The following RSU1 variants were observed in gnomAD, a reference collection of about 807,000 sequenced individuals.
The protein encoded by RSU1 is rsu-1.
In RSU1, 26 loss-of-function variants were observed where a neutral mutation model predicts 31.1. The observed-to-expected ratio is 0.84, with a 90% CI of 0.61 to 1.16. The LOEUF (loss-of-function observed/expected upper bound fraction) is 1.16. Among genes scored for constraint, RSU1 ranks in the 50% most tolerant of loss-of-function variants. The pLI, the probability that RSU1 is intolerant of heterozygous loss-of-function variation, is 0.00. For missense variants in RSU1, 320 were observed against 339.1 expected, an observed-to-expected ratio of 0.94 and a Z score of 0.44; for synonymous variants, 164 against 136.3, an observed-to-expected ratio of 1.20 and a Z score of -1.41.
intron 2 of RSU1, among the ~76,000 whole-genome samples, chr10:16,796,224 CAT>C (rs758978519): frequency 6.6e-6 from 1 of 152,182 alleles, no homozygotes; most frequent in Non-Finnish European, 1.5e-5. Flanking sequence ...TCTCTCCCCA[CAT>C]GTCATCCCTT....
At chr10:16,771,914 G>A (rs1284206602) in intron 3 of RSU1, among the ~76,000 whole-genome samples, 1 of 152,182 alleles carries the variant, frequency 6.6e-6, no homozygotes, top group Non-Finnish European at 1.5e-5. Flanking sequence ...AAGCATCTAC[G>A]CCAAGAAAGG....
chr10:16,748,563 T>G (rs1287410769), intron 7 of RSU1, among the ~76,000 whole-genome samples: 2 of 152,148 alleles, frequency 1.3e-5, no homozygotes, highest in African/African-American at 4.8e-5. Context: ...TCTATAGGAG[T>G]GCCCATTTCA....
intron 8 of RSU1, among the ~76,000 whole-genome samples, chr10:16,620,642 A>G (rs1260464058): frequency 6.6e-6 from 1 of 151,938 alleles, no homozygotes; most frequent in Admixed American, 6.6e-5. Flanking sequence ...TCAGGAGATC[A>G]AGACCATCAT....
At chr10:16,646,644 A>T (rs79856389) in intron 8 of RSU1, among the ~76,000 whole-genome samples, 1 of 152,204 alleles carries the variant, frequency 6.6e-6, no homozygotes, top group African/African-American at 2.4e-5. Flanking sequence ...AGCTCCTTCC[A>T]GCTCCAGGGG....
At chr10:16,612,258 T>A (rs1833903805) in intron 8 of RSU1, among the ~76,000 whole-genome samples, 1 of 152,338 alleles carries the variant, frequency 6.6e-6, no homozygotes, top group Admixed American at 6.5e-5. Context: ...TGTTGCAATA[T>A]GTATGCTTGA....
intron 8 of RSU1, among the ~76,000 whole-genome samples, chr10:16,648,327 A>C (rs6602140): frequency 0.35 from 53,311 of 151,842 alleles, 10,904 homozygotes; most frequent in African/African-American, 0.56. Context: ...CTCACAAAGA[A>C]TGATCATTTT....
chr10:16,776,915 A>AT (rs947343776), intron 3 of RSU1, among the ~76,000 whole-genome samples: 16 of 149,466 alleles, frequency 1.1e-4, no homozygotes, highest in African/African-American at 1.7e-4. Flanking sequence ...TCATATTTTT[A>AT]TTTTTTTTTA....
intron 8 of RSU1, among the ~76,000 whole-genome samples, chr10:16,604,735 C>T (rs1833772366): frequency 6.6e-6 from 1 of 152,134 alleles, no homozygotes. Context: ...ACTCCGGGGT[C>T]TGGCTGTGCT....
At chr10:16,691,722 CTTTTTTTTTTTTTTTT>C (rs58786188) in intron 8 of RSU1, among the ~76,000 whole-genome samples, 8 of 106,044 alleles carry the variant, frequency 7.5e-5, no homozygotes, top group African/African-American at 2.6e-4. Context: ...GCTGCTGCTT[CTTTTTTTTTTTTTTTT>C]TTTTTTTTTT....
At chr10:16,683,160 G>GGT (rs4012467) in intron 8 of RSU1, among the ~76,000 whole-genome samples, 8,941 of 143,418 alleles carry the variant, frequency 0.062, 435 homozygotes, top group Admixed American at 0.13. Context: ...ATGGGTGTGT[G>GGT]GTGTGTGTGT....
intron 8 of RSU1, among the ~76,000 whole-genome samples, chr10:16,614,868 C>T (rs1383649400): frequency 6.6e-6 from 1 of 152,072 alleles, no homozygotes; most frequent in Non-Finnish European, 1.5e-5. Flanking sequence ...CCCTGCCTTA[C>T]AAGAGCTCCT....
chr10:16,612,440 G>T (rs893715099), intron 8 of RSU1, among the ~76,000 whole-genome samples: 21 of 152,088 alleles, frequency 1.4e-4, no homozygotes, highest in Non-Finnish European at 3.1e-4. Context: ...AACTCTTTTT[G>T]CTCTGTCCAT....
At chr10:16,650,134 A>G (rs1164757492) in intron 8 of RSU1, among the ~76,000 whole-genome samples, 1 of 152,212 alleles carries the variant, frequency 6.6e-6, no homozygotes, top group Non-Finnish European at 1.5e-5. Flanking sequence ...CGCTAACAGA[A>G]AGCTAAATTA....
chr10:16,742,386 A>T (rs1450803157), intron 7 of RSU1, among the ~76,000 whole-genome samples: 2 of 151,658 alleles, frequency 1.3e-5, no homozygotes, highest in Non-Finnish European at 2.9e-5. Flanking sequence ...CACCCACTTC[A>T]CTCCTTTCAA....
chr10:16,608,132 G>A (rs1278760369), intron 8 of RSU1, among the ~76,000 whole-genome samples: 1 of 152,216 alleles, frequency 6.6e-6, no homozygotes, highest in African/African-American at 2.4e-5. Flanking sequence ...CACCCGGCCA[G>A]TATCATGAGA....
In RSU1 at chr10:16,593,435, T is replaced by C; in HGVS notation, c.793A>G (p.Lys265Glu). ...EPPKKNNDKS[K>E]KISRKPLAAK... ...GCCAGGGGTTTCCGGCTGATCTTTTTCGATTTGTCATTATTCTTCTTCGGT... is the reference window on the plus strand; with the variant it reads ...GCCAGGGGTTTCCGGCTGATCTTTTCCGATTTGTCATTATTCTTCTTCGGT... The change falls in exon 9 of 9, where the codon AAA becomes GAA. Residue 265 changes from lysine (K) to glutamate (E), a missense_variant. Transcript: ENST00000345264. The C allele has an allele frequency of 6.2e-7, 1 of 1,614,148 alleles. No individual in the cohort carries two copies. The highest frequency in any genetic ancestry group is 8.5e-7 in the Non-Finnish European group (1 of 1,180,012).
At chr10:16,610,829 C>G (rs1833880508) in intron 8 of RSU1, among the ~76,000 whole-genome samples, 1 of 152,092 alleles carries the variant, frequency 6.6e-6, no homozygotes, top group South Asian at 2.1e-4. Context: ...TGCCTGGTGC[C>G]AAAAAGGCTG....
intron 4 of RSU1, among the ~76,000 whole-genome samples, chr10:16,759,710 T>C (rs1300814784): frequency 1.3e-5 from 2 of 152,220 alleles, no homozygotes; most frequent in Admixed American, 6.5e-5. Context: ...TCAACCTATG[T>C]GGCTTCACAC....
intron 7 of RSU1, among the ~76,000 whole-genome samples, chr10:16,699,325 C>G (rs1004745817): frequency 2.6e-5 from 4 of 152,164 alleles, no homozygotes; most frequent in African/African-American, 9.7e-5. Flanking sequence ...TCTCTTGCCT[C>G]ACTCTGCACC....
Sources: allele counts gnomAD v4.1 joint callset (sites outside exome capture counted in the v4.1 genomes callset), GRCh38; gene constraint gnomAD v4.1.1; transcripts MANE v1.5; gene names NCBI Gene and HGNC (gene_info 2026-07-23, HGNC 2026-07-21).